The following HAP1 variants were observed in gnomAD, a reference collection of about 807,000 sequenced individuals.
HAP1 encodes the protein huntingtin associated protein 1.
In HAP1, 59 loss-of-function variants were observed where a neutral mutation model predicts 60.3. The observed-to-expected ratio is 0.98, with a 90% CI of 0.79 to 1.22. HAP1 has a LOEUF of 1.22. Ranked by LOEUF, HAP1 falls within the 50% of genes most tolerant of loss-of-function variation. HAP1 has a pLI of 0.00. For missense variants in HAP1, 825 were observed against 785.3 expected (o/e 1.05, Z -0.60); for synonymous variants, 346 against 330.6 (o/e 1.05, Z -0.50).
At chr17:41,726,061 G>A (rs1555588737) in intron 9 of HAP1, among the ~76,000 whole-genome samples, 164 bp from the exon 10 acceptor site, 1 of 152,056 alleles carries the variant, frequency 6.6e-6, no homozygotes, top group East Asian at 1.9e-4. Context: ...CCTGAGGTCA[G>A]GAGTTCAAGA....
chr17:41,727,838 T>G lies in HAP1; in HGVS notation c.1201-2A>C. 1 of 1,595,952 alleles carries G rather than the reference T, an allele frequency of 6.3e-7. No individual in the cohort carries two copies. Among genetic ancestry groups the G allele is most frequent in the Non-Finnish European group, 8.6e-7 (1 of 1,163,968 alleles). The stretch of plus-strand genomic sequence containing the variant: ...CAACTTTTCAGTCTCAGCCCCATAC[T>G]GGAAGGACCCAAAACCAGTGAACCC... On this transcript the variant is annotated splice_acceptor_variant, in intron 7 of 10. Transcript: ENST00000347901. LOFTEE classifies it high-confidence loss of function.
At position 41,724,589 on chromosome 17, in the gene HAP1, G is replaced by T; in HGVS notation, c.*112C>A. 1.3e-6 allele frequency: 1 copy of T among 746,910 alleles called. No homozygotes were observed. 46.3% of individuals were successfully genotyped at this position (746,910 alleles called of 1,614,324 possible). On this transcript the variant is annotated 3_prime_UTR_variant, in exon 11 of 11. Coordinates refer to ENST00000347901, the MANE Select transcript of HAP1 (RefSeq NM_177977.3). The stretch of plus-strand genomic sequence containing the variant: ...CACTGACACTACGGTTCCCACTGAA[G>T]GGGATCAGAGGTGTCTATGCAAATG...
At position 41,734,514 on chromosome 17, in the gene HAP1, G is replaced by A. The variant is rs1438081016; in HGVS notation, c.121C>T (p.Pro41Ser). 6.2e-7 allele frequency: 1 copy of A among 1,611,870 alleles called. No individual in the cohort carries two copies. Among genetic ancestry groups the A allele is most frequent in the East Asian group, 2.2e-5 (1 of 44,870 alleles). The change falls in exon 1 of 11, where the codon CCG (proline) becomes TCG (serine). Residue 41 changes from proline to serine, a missense_variant. Physicochemically the swap from Pro to Ser is moderately conservative, Grantham distance 74. Transcript: ENST00000347901. ...CTCTGTCCAGTGCCCCGTGCCTGCG[G>A]CTGCGCAGAGGGCTCCGGAGCGGGA... ...ASPAPEPSAQ[P>S]QARGTGQRVG... is the part of the protein sequence containing the mutation.
intron 1 of HAP1, 44 bp downstream of exon 1, chr17:41,734,122 G>A: frequency 6.8e-7 from 1 of 1,477,314 alleles, no homozygotes; most frequent in Non-Finnish European, 9.1e-7. Context: ...CCCTGGAGTT[G>A]CCCCAGTCCC....
Position 41,725,116 on chromosome 17 carries a change from C to A in HAP1, c.1445G>T (p.Arg482Leu). Reference protein sequence around the residue: ...FRYSEDREQVRGFEAEEGLML... With the variant: ...FRYSEDREQVLGFEAEEGLML... ...CAACCCTTCCTCAGCCTCAAACCCC[C>A]GCACCTGCTCTCGATCCTCACTGTA... is the stretch of plus-strand genomic sequence containing the variant. The change falls in exon 11 of 11, where the codon CGG (arginine) becomes CTG (leucine). Residue 482 changes from arginine (R) to leucine (L), a missense_variant. Coordinates refer to ENST00000347901, the MANE Select transcript of HAP1 (RefSeq NM_177977.3). The A allele has an allele frequency of 6.2e-7, 1 of 1,606,362 alleles. No homozygotes were observed.
At chr17:41,720,111 G>A (rs1469661198), downstream of HAP1, among the ~76,000 whole-genome samples, 1 of 151,782 alleles carries the variant, frequency 6.6e-6, no homozygotes, top group Non-Finnish European at 1.5e-5. Flanking sequence ...GGATGGTCTC[G>A]ATCTCCTGAC....
At chr17:41,729,480 G>A (rs1555589951) in intron 6 of HAP1, among the ~76,000 whole-genome samples, 1 of 135,976 alleles carries the variant, frequency 7.4e-6, no homozygotes, top group African/African-American at 2.8e-5. Context: ...AACTCGGGAG[G>A]TGGAGGTTGC....
chr17:41,734,501 C>A lies in HAP1; in HGVS notation c.134G>T (p.Gly45Val), dbSNP rs1912555419. Reference protein sequence around the residue: ...PEPSAQPQARGTGQRVGSRAT... With the variant: ...PEPSAQPQARVTGQRVGSRAT... ...TCGGGATCCTACTCTCTGTCCAGTG[C>A]CCCGTGCCTGCGGCTGCGCAGAGGG... The change falls in exon 1 of 11, where the codon GGC becomes GTC. Residue 45 changes from glycine to valine, a missense_variant. Transcript: ENST00000347901. The A allele has an allele frequency of 6.2e-7, 1 of 1,612,124 alleles. No homozygotes were observed. Among genetic ancestry groups the A allele is most frequent in the Non-Finnish European group, 8.5e-7 (1 of 1,179,758 alleles).
In HAP1 at chr17:41,722,916, G is replaced by GA. The variant is rs1198177155; in HGVS notation, c.*1784_*1785insT. 1.3e-5 allele frequency: 2 copies of GA among 152,502 alleles called. No homozygotes were observed. Among genetic ancestry groups the GA allele is most frequent in the African/African-American group, 4.8e-5 (2 of 41,408 alleles). The allele number at this position is 152,502 out of a possible 1,614,324, so 9.4% of individuals were successfully genotyped here. On this transcript the variant is annotated 3_prime_UTR_variant, in exon 11 of 11. Transcript: ENST00000347901. ...CTGGCAGAAGAGGGAGGGAGGGAGAGGAGACACACCACTGGGCAGAGGGGC... is the reference window on the plus strand; with the variant it reads ...CTGGCAGAAGAGGGAGGGAGGGAGAGAGAGACACACCACTGGGCAGAGGGGC...
At position 41,731,703 on chromosome 17, in the gene HAP1, G is replaced by A. The variant is rs782373038; in HGVS notation, c.937C>T (p.Gln313Ter). ...EALLHQHHCPQLEALQEKLRL... is the reference protein window; with the variant it reads ...EALLHQHHCP Reference sequence around the variant, plus strand: ...AGCTTCTCCTGCAAGGCTTCCAGCTGTGGGCAGTGGTGCTGGTGCAGCAAT... The same window carrying A: ...AGCTTCTCCTGCAAGGCTTCCAGCTATGGGCAGTGGTGCTGGTGCAGCAAT... The change falls in exon 5 of 11, where the codon CAG (glutamine) becomes TAG (stop). Residue 313 changes from glutamine (Q) to a stop codon, truncating the protein, a stop_gained. Transcript: ENST00000347901. LOFTEE classifies it high-confidence loss of function. 6.2e-7 allele frequency: 1 copy of A among 1,614,090 alleles called. No individual in the cohort carries two copies. The highest frequency in any genetic ancestry group is 1.3e-5 in the African/African-American group (1 of 75,056).
Position 41,731,757 on chromosome 17 carries a change from G to C in HAP1, c.897-14C>G, listed in dbSNP as rs1416604470. ...TCCTGCGAAATCCTAGGGGAGGGAG[G>C]AATGGGAGTCAGGGTGCAGGGAGTG... On this transcript the variant is annotated splice_polypyrimidine_tract_variant and intron_variant, in intron 4 of 10. Transcript: ENST00000347901. The C allele has an allele frequency of 3.1e-6, 5 of 1,588,932 alleles. No individual in the cohort carries two copies. The highest frequency in any genetic ancestry group is 4.3e-6 in the Non-Finnish European group (5 of 1,157,814).
At chr17:41,718,270 AAAG>A, downstream of HAP1, 1 of 231,950 alleles carries the variant, frequency 4.3e-6, no homozygotes, top group Admixed American at 4.2e-5. Flanking sequence ...CATCTTCAAC[AAAG>A]AACAATACAT....
Position 41,734,416 on chromosome 17 carries a change from C to A in HAP1, c.219G>T (p.Glu73Asp), listed in dbSNP as rs1555592073. The A allele has an allele frequency of 1.2e-6, 2 of 1,608,074 alleles. No individual in the cohort carries two copies. The highest frequency in any genetic ancestry group is 1.7e-5 in the Admixed American group (1 of 59,882). Residue 73 changes from glutamate to aspartate, a missense_variant, in exon 1 of 11, where the codon GAG becomes GAT. Coordinates refer to ENST00000347901, the MANE Select transcript of HAP1 (RefSeq NM_177977.3). ...GCCGGGCTCCTGCCTTGGCTCCAGCCTCCGAGGCCGGGCGAGCTCCGGTGC... is the reference window on the plus strand; with the variant it reads ...GCCGGGCTCCTGCCTTGGCTCCAGCATCCGAGGCCGGGCGAGCTCCGGTGC... ...EARTGARPAS[E>D]AGAKAGARRP...
chr17:41,724,455 A>C lies in HAP1; in HGVS notation c.*246T>G. 1 of 487,280 alleles carries C rather than the reference A, an allele frequency of 2.1e-6. No individual in the cohort carries two copies. The highest frequency in any genetic ancestry group is 3.7e-6 in the Non-Finnish European group (1 of 272,068). The allele number at this position is 487,280 out of a possible 1,614,324, so 30.2% of individuals were successfully genotyped here. ...GGGGAAGCAAGCGGGCAGAGATGGG[A>C]AGCTGAGGCGCAGTGTGGGGGCACA... On this transcript the variant is annotated 3_prime_UTR_variant, in exon 11 of 11. Coordinates refer to ENST00000347901, the MANE Select transcript of HAP1 (RefSeq NM_177977.3).
At chr17:41,726,903 T>TA in intron 9 of HAP1, 150 bp downstream of exon 9, 1 of 594,282 alleles carries the variant, frequency 1.7e-6, no homozygotes, top group Non-Finnish European at 3.0e-6. Flanking sequence ...GATGGGTCCA[T>TA]ATTCATAGAG....
At chr17:41,729,071 C>A (rs8078463) in intron 6 of HAP1, among the ~76,000 whole-genome samples, 12,146 of 151,820 alleles carry the variant, frequency 0.08, 1,612 homozygotes, top group African/African-American at 0.28. Flanking sequence ...CTCCCGAGTA[C>A]TTGGGATTAC....
At position 41,728,170 on chromosome 17, in the gene HAP1, GACAAGAGGGTTCCAC is replaced by G. The variant is rs1567781962; in HGVS notation, c.1200+16_1200+30del. The G allele has an allele frequency of 6.2e-7, 1 of 1,604,540 alleles. No homozygotes were observed. ...GGAAGCTAGGGTCCCATGGGGCCAC[GACAAGAGGGTTCCAC>G]ACACACCCGACTCACCATCCGGCAG... On this transcript the variant is annotated intron_variant, in intron 7 of 10. Transcript: ENST00000347901.
At chr17:41,733,262 G>A (rs1412246872) in intron 1 of HAP1, among the ~76,000 whole-genome samples, 1 of 150,778 alleles carries the variant, frequency 6.6e-6, no homozygotes. Flanking sequence ...ATGTTGGCCA[G>A]GCTGGTCTCG....
chr17:41,724,852 A>C lies in HAP1; in HGVS notation c.1709T>G (p.Leu570Arg). 6.2e-7 allele frequency: 1 copy of C among 1,613,680 alleles called. No homozygotes were observed. Among genetic ancestry groups the C allele is most frequent in the Non-Finnish European group, 8.5e-7 (1 of 1,179,972 alleles). ...CTGCTGGAGGACATAATTCATGTCC[A>C]GGTGTGAAGGGCCCAAGCCGCTGGC... ...LEASGLGPSHLDMNYVLQQLA... is the reference protein window; with the variant it reads ...LEASGLGPSHRDMNYVLQQLA... Residue 570 changes from leucine to arginine, a missense_variant, in exon 11 of 11, where the codon CTG (leucine) becomes CGG (arginine). Transcript: ENST00000347901.
Sources: gnomAD v4.1 joint callset for allele counts (sites outside exome capture counted in the v4.1 genomes callset) on GRCh38, gnomAD v4.1.1 for gene constraint, MANE v1.5 for transcripts, NCBI Gene and HGNC (gene_info 2026-07-23, HGNC 2026-07-21) for gene names.